Variants in JAKMIP2 observed in about 807,000 individuals in gnomAD.
JAKMIP2 encodes the protein janus kinase and microtubule-interacting protein 2.
Under a neutral mutation model 115.0 loss-of-function variants are expected in JAKMIP2, and 25 were observed. The observed-to-expected ratio is 0.22, with a 90% CI of 0.16 to 0.30. The LOEUF is 0.30. Ranked by LOEUF, JAKMIP2 falls within the 10% of genes least tolerant of loss-of-function variation. JAKMIP2 has a pLI of 1.00. For synonymous variants in JAKMIP2, 334 were observed against 343.6 expected (o/e 0.97, Z 0.31); for missense variants, 642 against 957.6 (o/e 0.67, Z 4.35).
In JAKMIP2 at chr5:147,749,538, G is replaced by A. The variant is rs146120991; in HGVS notation, c.-149+32918C>T. ...TTCTCTTAGTGGTAGCTACTTCTGT[G>A]TCACTTGACACTCTGTGAGTTGTGC... is the stretch of plus-strand genomic sequence containing the variant. On this transcript the variant is annotated intron_variant, in intron 1 of 21. Transcript: ENST00000616793. Among the ~76,000 whole-genome samples the A allele has an allele frequency of 3.3e-3, 500 of 152,198 alleles. 11 individuals carry two copies. The Middle Eastern group carries it at 0.034, about 10-fold the overall frequency.
chr5:147,725,972 A>G (rs953861607), intron 1 of JAKMIP2, among the ~76,000 whole-genome samples: 1 of 152,136 alleles, frequency 6.6e-6, no homozygotes, highest in African/African-American at 2.4e-5. Flanking sequence ...TTCCTTCACT[A>G]TTGACAAGTG....
chr5:147,698,151 T>C (rs1045778340), intron 1 of JAKMIP2, among the ~76,000 whole-genome samples: 32 of 152,164 alleles, frequency 2.1e-4, no homozygotes, highest in African/African-American at 7.5e-4. Flanking sequence ...AAGAGATCAT[T>C]TGGAAACTTT....
In JAKMIP2 at chr5:147,774,355, CCTT is replaced by C. The variant is rs1490074424; in HGVS notation, c.-149+8098_-149+8100del. ...TATAATATCTTCAAAACATCTAAGT[CCTT>C]CTCTCTCTGTTGCCAATGTCAATTA... On this transcript the variant is annotated intron_variant, in intron 1 of 21. Coordinates refer to ENST00000616793, the MANE Select transcript of JAKMIP2 (RefSeq NM_001270941.2). Among the ~76,000 whole-genome samples the C allele has an allele frequency of 1.1e-4, 16 of 152,048 alleles. No individual in the cohort carries two copies. The East Asian group carries it at 1.3e-3, about 13-fold the overall frequency.
intron 20 of JAKMIP2, among the ~76,000 whole-genome samples, chr5:147,610,654 C>T (rs1050406352): frequency 6.6e-6 from 1 of 152,198 alleles, no homozygotes; most frequent in Admixed American, 6.5e-5. Flanking sequence ...TCAGGAGGCA[C>T]GGGGGTCAGG....
At chr5:147,707,412 T>G (rs1346036667) in intron 1 of JAKMIP2, among the ~76,000 whole-genome samples, 1 of 152,196 alleles carries the variant, frequency 6.6e-6, no homozygotes, top group Admixed American at 6.6e-5. Flanking sequence ...TAATATTTTC[T>G]AGTACATGCT....
rs1013217993 is a variant in JAKMIP2, at chr5:147,739,676, C to A, written c.-149+42780G>T. 3.9e-5 allele frequency among the ~76,000 whole-genome samples: 6 copies of A among 151,974 alleles called. No individual in the cohort carries two copies. The East Asian group carries it at 1.0e-3, about 25-fold the overall frequency. On this transcript the variant is annotated intron_variant, in intron 1 of 21. Transcript: ENST00000616793. Reference sequence around the variant, plus strand: ...AAGCAGCATCATGGTTCAAGCAATACCTTCTCGGTCACACTGTGCCCCTTC... The same window carrying A: ...AAGCAGCATCATGGTTCAAGCAATAACTTCTCGGTCACACTGTGCCCCTTC...
intron 1 of JAKMIP2, among the ~76,000 whole-genome samples, chr5:147,745,266 A>C (rs966913463): frequency 2.6e-5 from 4 of 152,182 alleles, no homozygotes; most frequent in African/African-American, 9.7e-5. Flanking sequence ...AGTGCAAGAA[A>C]ATCTTATTTT....
intron 3 of JAKMIP2, among the ~76,000 whole-genome samples, chr5:147,652,942 G>T (rs923912501): frequency 4.6e-5 from 7 of 152,044 alleles, no homozygotes; most frequent in African/African-American, 1.5e-4. Flanking sequence ...CCACTTATGA[G>T]CGGGAACATG....
intron 1 of JAKMIP2, among the ~76,000 whole-genome samples, chr5:147,773,047 CTTG>C (rs1424346952): frequency 6.6e-6 from 1 of 152,064 alleles, no homozygotes; most frequent in Non-Finnish European, 1.5e-5. Flanking sequence ...ATCAGATATC[CTTG>C]TTATTAGGAA....
In JAKMIP2 at chr5:147,629,678, C is replaced by A. The variant is rs761386285; in HGVS notation, c.1929+15G>T. The A allele has an allele frequency of 1.2e-6, 2 of 1,600,154 alleles. No individual in the cohort carries two copies. The highest frequency in any genetic ancestry group is 1.7e-6 in the Non-Finnish European group (2 of 1,169,246). On this transcript the variant is annotated intron_variant, in intron 15 of 21. Transcript: ENST00000616793. Reference sequence around the variant, plus strand: ...AGGCAAATTCATATCTATACTAAATCAATTCTTTACTTACCCCATTATCAC... The same window carrying A: ...AGGCAAATTCATATCTATACTAAATAAATTCTTTACTTACCCCATTATCAC...
intron 20 of JAKMIP2, among the ~76,000 whole-genome samples, chr5:147,603,214 T>C (rs775251402): frequency 2.6e-5 from 4 of 152,214 alleles, no homozygotes; most frequent in Admixed American, 6.5e-5. Flanking sequence ...AAATTGGTTA[T>C]ATAATTTTGG....
Position 147,678,314 on chromosome 5 carries a change from G to T in JAKMIP2, c.-148-6360C>A, listed in dbSNP as rs139098191. Among the ~76,000 whole-genome samples, 451 of 152,058 alleles carry T rather than the reference G, an allele frequency of 3.0e-3. 3 individuals carry two copies. Among genetic ancestry groups the T allele is most frequent in the African/African-American group, 0.01 (429 of 41,488 alleles). ...ACCACGCCTGGCTACCCCCTGGCCC[G>T]CTTAATCACCATTCCACTCTCTGCT... On this transcript the variant is annotated intron_variant, in intron 1 of 21. Coordinates refer to ENST00000616793, the MANE Select transcript of JAKMIP2 (RefSeq NM_001270941.2).
chr5:147,641,451 CA>C (rs1757875923), intron 8 of JAKMIP2, among the ~76,000 whole-genome samples: 1 of 152,190 alleles, frequency 6.6e-6, no homozygotes, highest in Admixed American at 6.5e-5. Context: ...CTTTCTACAT[CA>C]AACCTAGGGG....
intron 1 of JAKMIP2, among the ~76,000 whole-genome samples, chr5:147,679,236 C>T (rs1045862146): frequency 1.3e-5 from 2 of 152,106 alleles, no homozygotes; most frequent in African/African-American, 2.4e-5. Context: ...CCACCTTGGC[C>T]TCCCAAAGTC....
intron 1 of JAKMIP2, among the ~76,000 whole-genome samples, chr5:147,743,709 T>C (rs920324242): frequency 1.3e-5 from 2 of 152,186 alleles, no homozygotes; most frequent in African/African-American, 4.8e-5. Context: ...CCTCCTCTTG[T>C]TTTTGGTCTA....
At chr5:147,632,905 G>A (rs1346034581) in intron 12 of JAKMIP2, 127 bp from the exon 13 acceptor site, 11 of 608,706 alleles carry the variant, frequency 1.8e-5, no homozygotes, top group Admixed American at 2.9e-5. Flanking sequence ...TCCCCAAATA[G>A]ATGTGAATAA....
intron 20 of JAKMIP2, among the ~76,000 whole-genome samples, chr5:147,610,438 C>CCCTCTG (rs1477933819): frequency 1.3e-5 from 2 of 152,140 alleles, no homozygotes; most frequent in Non-Finnish European, 2.9e-5. Flanking sequence ...ACAGTCAGGC[C>CCCTCTG]CCTCTGCTGC....
rs941744966 is a variant in JAKMIP2 at position 147,587,203 on chromosome 5, T to A, written c.*4504A>T. 6.6e-6 allele frequency: 1 copy of A among 152,220 alleles called. No homozygotes were observed. Among genetic ancestry groups the A allele is most frequent in the Non-Finnish European group, 1.5e-5 (1 of 68,038 alleles). 9.4% of individuals were successfully genotyped at this position (152,220 alleles called of 1,614,324 possible). On this transcript the variant is annotated 3_prime_UTR_variant, in exon 22 of 22. Transcript: ENST00000616793. ...GGTCCATATTGGAAGCATAAACTCA[T>A]GACATAAACAGTCATCTAAGATTTG...
chr5:147,677,885 C>G (rs1746356237), intron 1 of JAKMIP2, among the ~76,000 whole-genome samples: 1 of 152,144 alleles, frequency 6.6e-6, no homozygotes, highest in Non-Finnish European at 1.5e-5. Flanking sequence ...TTTCTATTAA[C>G]TATACTCACC....
Sources: allele counts gnomAD v4.1 joint callset (sites outside exome capture counted in the v4.1 genomes callset), GRCh38; gene constraint gnomAD v4.1.1; transcripts MANE v1.5; gene names NCBI Gene and HGNC (gene_info 2026-07-23, HGNC 2026-07-21).